The following MAML1 variants were observed in gnomAD, a reference collection of about 807,000 sequenced individuals.
The protein encoded by MAML1 is mastermind-like protein 1.
MAML1 carries 14 observed loss-of-function variants against 77.1 expected under a neutral mutation model. The ratio of observed to expected loss-of-function variants is 0.18; its 90% confidence interval spans 0.12 to 0.28. MAML1 has a LOEUF of 0.28. Ranked by LOEUF, MAML1 falls within the 10% of genes least tolerant of loss-of-function variation. MAML1 has a pLI of 1.00. For synonymous variants in MAML1, 516 were observed against 551.9 expected, an observed-to-expected ratio of 0.93 and a Z score of 0.91; for missense variants, 1,217 against 1,327.8, an observed-to-expected ratio of 0.92 and a Z score of 1.30.
chr5:179,766,396 C>T lies in MAML1; in HGVS notation c.1386C>T (p.Ser462=). 1.2e-6 allele frequency: 2 copies of T among 1,611,656 alleles called. No homozygotes were observed. The highest frequency in any genetic ancestry group is 2.2e-5 in the South Asian group (2 of 90,768). The change falls in exon 2 of 5, where the codon TCC becomes TCT. Residue 462 remains serine, a synonymous_variant. Transcript: ENST00000292599. The surrounding 1 kb of genome is among the most constrained non-coding windows in gnomAD (Gnocchi z 4.0). ...PSSYKQDFTN[S]KLLMMPSVNK... Reference sequence around the variant, plus strand: ...GCTACAAGCAAGACTTCACTAACTCCAAACTGCTCATGATGCCTAGTGTGA... The same window carrying T: ...GCTACAAGCAAGACTTCACTAACTCTAAACTGCTCATGATGCCTAGTGTGA...
At position 179,765,602 on chromosome 5, in the gene MAML1, T is replaced by G. The variant is rs904680782; in HGVS notation, c.592T>G (p.Leu198Val). The G allele has an allele frequency of 6.2e-7, 1 of 1,614,168 alleles. No individual in the cohort carries two copies. The change falls in exon 2 of 5, where the codon TTG (leucine) becomes GTG (valine). Residue 198 changes from leucine to valine, a missense_variant. Around this residue, in one of 3 missense-constraint regions of MAML1, gnomAD observed 312 missense variants for 331.4 expected, o/e 0.94. Transcript: ENST00000292599. ...KKRLADSSLH[L>V]NGGSNPSESF... is the part of the protein sequence containing the mutation. Reference sequence around the variant, plus strand: ...GCGTCTGGCTGACTCCAGCCTTCACTTGAATGGAGGCAGTAACCCCAGTGA... The same window carrying G: ...GCGTCTGGCTGACTCCAGCCTTCACGTGAATGGAGGCAGTAACCCCAGTGA...
At chr5:179,748,642 A>T (rs1281916890) in intron 1 of MAML1, among the ~76,000 whole-genome samples, 2 of 152,280 alleles carry the variant, frequency 1.3e-5, no homozygotes, top group African/African-American at 4.8e-5. Context: ...AGTTGATAAC[A>T]GAAGCACATG....
Position 179,766,422 on chromosome 5 carries a change from A to G in MAML1, c.1412A>G (p.Asn471Ser). 1 of 1,612,966 alleles carries G rather than the reference A, an allele frequency of 6.2e-7. No homozygotes were observed. The part of the protein sequence containing the change: ...NSKLLMMPSV[N>S]KSSPRPGGPY... ...AAACTGCTCATGATGCCTAGTGTGA[A>G]TAAGAGTTCCCCTCGGCCCGGAGGC... Residue 471 changes from asparagine to serine, a missense_variant, in exon 2 of 5, where the codon AAT becomes AGT. Transcript: ENST00000292599. This position sits in a 1 kb window ranked among gnomAD's most constrained non-coding sequence, Gnocchi z 4.0.
rs1220584432 is a variant in MAML1 at position 179,768,896 on chromosome 5, T to C, written c.1778T>C (p.Val593Ala). 2 of 1,614,146 alleles carry C rather than the reference T, an allele frequency of 1.2e-6. No individual in the cohort carries two copies. The highest frequency in any genetic ancestry group is 3.3e-5 in the Admixed American group (2 of 60,018). ...CCTGTGCAAGCCCAGGCTACCAGTGTTGGGACCCAGCCGCCTGCCGTGTCC... is the reference window on the plus strand; with the variant it reads ...CCTGTGCAAGCCCAGGCTACCAGTGCTGGGACCCAGCCGCCTGCCGTGTCC... The part of the protein sequence containing the change: ...SVPVQAQATS[V>A]GTQPPAVSVA... The change falls in exon 3 of 5, where the codon GTT becomes GCT. Residue 593 changes from valine to alanine, a missense_variant. Coordinates refer to ENST00000292599, the MANE Select transcript of MAML1 (RefSeq NM_014757.5).
At chr5:179,752,598 CTTTTTTTTTTTTTT>C (rs1172970221) in intron 1 of MAML1, among the ~76,000 whole-genome samples, 3 of 71,820 alleles carry the variant, frequency 4.2e-5, no homozygotes, top group East Asian at 3.8e-4. Context: ...ATTAGATACT[CTTTTTTTTTTTTTT>C]TTTTTTTTTT....
intron 1 of MAML1, among the ~76,000 whole-genome samples, chr5:179,764,285 A>C (rs1413499276): frequency 2.0e-5 from 3 of 152,244 alleles, no homozygotes; most frequent in Non-Finnish European, 1.5e-5. Flanking sequence ...AGTGGCATGA[A>C]TCCATCGAGG....
At position 179,766,124 on chromosome 5, in the gene MAML1, A is replaced by G. The variant is rs377153713; in HGVS notation, c.1114A>G (p.Asn372Asp). ...GATGCCGGCATCAGCCCAGGCCCAG[A>G]ACGCACAAAGAGCCCTTGCAGGTGT... ...NLMPASAQAQNAQRALAGVVL... is the reference protein window; with the variant it reads ...NLMPASAQAQDAQRALAGVVL... The change falls in exon 2 of 5, where the codon AAC (asparagine) becomes GAC (aspartate). Residue 372 changes from asparagine to aspartate, a missense_variant. By Grantham distance (23) the Asn-to-Asp change is conservative (BLOSUM62 1). This residue lies in a region of MAML1 where 884 missense variants were observed against 949.3 expected (regional missense o/e 0.93). Coordinates refer to ENST00000292599, the MANE Select transcript of MAML1 (RefSeq NM_014757.5). This position sits in a 1 kb window ranked among gnomAD's most constrained non-coding sequence, Gnocchi z 4.0. 1 of 1,577,764 alleles carries G rather than the reference A, an allele frequency of 6.3e-7. No homozygotes were observed. The highest frequency in any genetic ancestry group is 8.6e-7 in the Non-Finnish European group (1 of 1,162,944).
chr5:179,740,528 G>A (rs765210358), intron 1 of MAML1, among the ~76,000 whole-genome samples: 9 of 151,866 alleles, frequency 5.9e-5, no homozygotes, highest in Admixed American at 1.3e-4. Context: ...CGCCCATCTC[G>A]GCCTCCTAAA....
intron 1 of MAML1, among the ~76,000 whole-genome samples, chr5:179,748,191 T>C (rs1330356939): frequency 1.3e-5 from 2 of 152,178 alleles, no homozygotes; most frequent in Non-Finnish European, 2.9e-5. Flanking sequence ...CAAGCGATCC[T>C]TGTGTCTCAG....
intron 3 of MAML1, among the ~76,000 whole-genome samples, chr5:179,770,231 G>A (rs529557825): frequency 1.6e-4 from 24 of 152,186 alleles, no homozygotes; most frequent in African/African-American, 5.3e-4. Flanking sequence ...GGCGGATCAC[G>A]AGGTCAGGAG....
rs1204980851 is a variant in MAML1, at chr5:179,733,050, C to A, written c.-63C>A. The A allele has an allele frequency of 6.7e-6, 7 of 1,048,424 alleles. No individual in the cohort carries two copies. The East Asian group carries it at 2.6e-4, about 38-fold the overall frequency. 64.9% of individuals were successfully genotyped at this position (1,048,424 alleles called of 1,614,324 possible). On this transcript the variant is annotated 5_prime_UTR_variant, in exon 1 of 5. Transcript: ENST00000292599. ...AGAGGGGTAGCCGCGGGGAGCGAAG[C>A]CCGCAGTGCCAGCCGGCCCCGAGAG...
Position 179,765,572 on chromosome 5 carries a change from A to G in MAML1, c.562A>G (p.Lys188Glu). The change falls in exon 2 of 5, where the codon AAA becomes GAA. Residue 188 changes from lysine (K) to glutamate (E), a missense_variant. This residue lies in a region of MAML1 where 312 missense variants were observed against 331.4 expected (regional missense o/e 0.94). Transcript: ENST00000292599. Reference sequence around the variant, plus strand: ...CTCTCTGGGGCTAGACTCTCTCAACAAAAAGCGTCTGGCTGACTCCAGCCT... The same window carrying G: ...CTCTCTGGGGCTAGACTCTCTCAACGAAAAGCGTCTGGCTGACTCCAGCCT... Reference protein sequence around the residue: ...KHSLGLDSLNKKRLADSSLHL... With the variant: ...KHSLGLDSLNEKRLADSSLHL... The G allele has an allele frequency of 6.2e-7, 1 of 1,614,144 alleles. No individual in the cohort carries two copies. The highest frequency in any genetic ancestry group is 1.1e-5 in the South Asian group (1 of 91,080).
intron 1 of MAML1, among the ~76,000 whole-genome samples, chr5:179,762,659 A>C (rs1420493392): frequency 2.0e-5 from 3 of 152,096 alleles, no homozygotes; most frequent in Non-Finnish European, 4.4e-5. Context: ...GCTTTATAGC[A>C]CCTTCTGTGT....
At chr5:179,748,611 G>T (rs1779427574) in intron 1 of MAML1, among the ~76,000 whole-genome samples, 1 of 152,220 alleles carries the variant, frequency 6.6e-6, no homozygotes, top group Non-Finnish European at 1.5e-5. Context: ...AGAAAACAAG[G>T]TGGGAAGTGA....
In MAML1 at chr5:179,761,577, C is replaced by T. The variant is rs368722020; in HGVS notation, c.316-3749C>T. On this transcript the variant is annotated intron_variant, in intron 1 of 4. Coordinates refer to ENST00000292599, the MANE Select transcript of MAML1 (RefSeq NM_014757.5). ...GGACATGGTGGTGCACGCCTGTAATCCCCGCTGCTCGAGAGACTGAGGCAG... is the reference window on the plus strand; with the variant it reads ...GGACATGGTGGTGCACGCCTGTAATTCCCGCTGCTCGAGAGACTGAGGCAG... Among the ~76,000 whole-genome samples, 53 of 152,224 alleles carry T rather than the reference C, an allele frequency of 3.5e-4. No homozygotes were observed. The East Asian group carries it at 9.9e-3, about 28-fold the overall frequency.
chr5:179,737,852 A>G (rs181137570), intron 1 of MAML1, among the ~76,000 whole-genome samples: 1 of 152,266 alleles, frequency 6.6e-6, no homozygotes, highest in Admixed American at 6.5e-5. Context: ...TCTATCACCC[A>G]GTGGCGCGAT....
chr5:179,758,871 C>T (rs1353715034), intron 1 of MAML1, among the ~76,000 whole-genome samples: 4 of 152,028 alleles, frequency 2.6e-5, no homozygotes, highest in South Asian at 2.1e-4. Context: ...GGCATGGTGG[C>T]GCACGCCTGT....
In MAML1 at chr5:179,771,031, A is replaced by G. The variant is rs922104739; in HGVS notation, c.1972-116A>G. ...ATGAAATCAGCACTATTTCCACAGGAGCCCATTTGTGAGTAACAAACTTGG... is the reference window on the plus strand; with the variant it reads ...ATGAAATCAGCACTATTTCCACAGGGGCCCATTTGTGAGTAACAAACTTGG... On this transcript the variant is annotated intron_variant, in intron 3 of 4. Transcript: ENST00000292599. This position sits in a 1 kb window ranked among gnomAD's most constrained non-coding sequence, Gnocchi z 4.7. 4.2e-6 allele frequency: 3 copies of G among 717,058 alleles called. No individual in the cohort carries two copies. Among genetic ancestry groups the G allele is most frequent in the Non-Finnish European group, 7.6e-6 (3 of 395,444 alleles). 44.4% of individuals were successfully genotyped at this position (717,058 alleles called of 1,614,324 possible).
Position 179,773,946 on chromosome 5 carries a change from G to C in MAML1, c.2120G>C (p.Ser707Thr), listed in dbSNP as rs767248623. ...GMNTLGPSNS[S>T]CPRVFPQAGN... ...AACACCTTGGGTCCATCCAACTCCA[G>C]CTGTCCTCGAGTGTTCCCTCAGGCT... Residue 707 changes from serine (S) to threonine (T), a missense_variant, in exon 5 of 5, where the codon AGC (serine) becomes ACC (threonine). Ser to Thr is a moderately conservative substitution (Grantham distance 58). Around this residue, in one of 3 missense-constraint regions of MAML1, gnomAD observed 884 missense variants for 949.3 expected, o/e 0.93. Coordinates refer to ENST00000292599, the MANE Select transcript of MAML1 (RefSeq NM_014757.5). 3.7e-6 allele frequency: 6 copies of C among 1,614,102 alleles called. No individual in the cohort carries two copies. Among genetic ancestry groups the C allele is most frequent in the Non-Finnish European group, 5.1e-6 (6 of 1,180,052 alleles).
Sources: gnomAD v4.1 joint callset for allele counts (sites outside exome capture counted in the v4.1 genomes callset) on GRCh38, gnomAD v4.1.1 for gene constraint, gnomAD v4.1.1 regional missense constraint, Gnocchi (gnomAD v3.1) non-coding constraint, MANE v1.5 for transcripts, NCBI Gene and HGNC (gene_info 2026-07-23, HGNC 2026-07-21) for gene names.